JAZF1: variants seen among roughly 807,000 people sequenced by gnomAD.
JAZF1 encodes the protein juxtaposed with another zinc finger protein 1.
In JAZF1, 8 loss-of-function variants were observed where a neutral mutation model predicts 26.4. That is an observed-to-expected ratio of 0.30 (90% CI 0.18 to 0.55). The LOEUF is 0.55. Among genes scored for constraint, JAZF1 ranks in the 20% least tolerant of loss-of-function variants. The pLI is 0.94. For missense variants in JAZF1, 199 were observed against 322.0 expected, an observed-to-expected ratio of 0.62 and a Z score of 2.92; for synonymous variants, 126 against 122.3, an observed-to-expected ratio of 1.03 and a Z score of -0.20.
At position 27,878,570 on chromosome 7, in the gene JAZF1, A is replaced by G. The variant is rs1291475562; in HGVS notation, c.385+16650T>C. Among the ~76,000 whole-genome samples, 7 of 152,244 alleles carry G rather than the reference A, an allele frequency of 4.6e-5. 1 individual carries two copies. The highest frequency in any genetic ancestry group is 4.6e-4 in the Admixed American group (7 of 15,286). On this transcript the variant is annotated intron_variant, in intron 3 of 4. Transcript: ENST00000283928. ...ATCTCTGCATAAATTTCTGGTTCCC[A>G]AATTCCATATATGTAAAGATCTGAT...
At chr7:28,009,269 TCTACAA>T (rs1782757491) in intron 1 of JAZF1, among the ~76,000 whole-genome samples, 1 of 151,976 alleles carries the variant, frequency 6.6e-6, no homozygotes. Flanking sequence ...TTGCTGAGTA[TCTACAA>T]CTACTCTGCC....
At chr7:28,139,932 A>G (rs149247883) in intron 1 of JAZF1, among the ~76,000 whole-genome samples, 1 of 152,232 alleles carries the variant, frequency 6.6e-6, no homozygotes, top group East Asian at 1.9e-4. Context: ...GAGTATATGT[A>G]TTTGGGGAAC....
intron 2 of JAZF1, among the ~76,000 whole-genome samples, chr7:27,942,026 G>A (rs530211746): frequency 6.6e-6 from 1 of 152,352 alleles, no homozygotes; most frequent in South Asian, 2.1e-4. Flanking sequence ...CAGAAAAATG[G>A]AGGCAACACC....
intron 1 of JAZF1, among the ~76,000 whole-genome samples, chr7:28,079,880 GA>G (rs1281996816): frequency 6.6e-6 from 1 of 152,110 alleles, no homozygotes; most frequent in Admixed American, 6.5e-5. Flanking sequence ...ATAACTCAGA[GA>G]TACTGCTGGT....
intron 3 of JAZF1, among the ~76,000 whole-genome samples, chr7:27,878,018 G>A (rs2128339063): frequency 6.6e-6 from 1 of 152,220 alleles, no homozygotes; most frequent in South Asian, 2.1e-4. Flanking sequence ...CTCCAGACAT[G>A]GACTCTGTAT....
intron 1 of JAZF1, among the ~76,000 whole-genome samples, chr7:28,078,147 A>G (rs1191421882): frequency 6.6e-6 from 1 of 152,190 alleles, no homozygotes; most frequent in Non-Finnish European, 1.5e-5. Context: ...CTAGGTTTGT[A>G]CAGCCTCTCA....
At chr7:28,095,881 C>G (rs548535430) in intron 1 of JAZF1, among the ~76,000 whole-genome samples, 33 of 152,346 alleles carry the variant, frequency 2.2e-4, no homozygotes, top group African/African-American at 7.2e-4. Context: ...TGCTTCCTGG[C>G]TCATAGGCTG....
chr7:28,110,538 A>AAAAGG (rs1784638348), intron 1 of JAZF1, among the ~76,000 whole-genome samples: 2 of 108,438 alleles, frequency 1.8e-5, no homozygotes, highest in Non-Finnish European at 4.1e-5. Context: ...AAAGGAAAGG[A>AAAAGG]AAAGGAAAAG....
At position 27,831,857 on chromosome 7, in the gene JAZF1, T is replaced by G. The variant is rs985103999; in HGVS notation, c.*943A>C. ...AATTGGCAACACATAAACATTAAATTGTTGGCAATAGAGAACTACAAAGTG... is the reference window on the plus strand; with the variant it reads ...AATTGGCAACACATAAACATTAAATGGTTGGCAATAGAGAACTACAAAGTG... On this transcript the variant is annotated 3_prime_UTR_variant, in exon 5 of 5. Transcript: ENST00000283928. 4.6e-5 allele frequency: 10 copies of G among 219,106 alleles called. No homozygotes were observed. The highest frequency in any genetic ancestry group is 9.2e-5 in the Non-Finnish European group (10 of 109,062). The allele number at this position is 219,106 out of a possible 1,614,324, so 13.6% of individuals were successfully genotyped here.
intron 1 of JAZF1, among the ~76,000 whole-genome samples, chr7:28,103,257 G>C (rs1057318862): frequency 2.0e-5 from 3 of 151,952 alleles, no homozygotes; most frequent in Admixed American, 6.6e-5. Flanking sequence ...CCTCTCTCCT[G>C]AACTCCAGAA....
intron 2 of JAZF1, among the ~76,000 whole-genome samples, chr7:27,930,019 G>A (rs970759761): frequency 2.1e-5 from 3 of 145,146 alleles, no homozygotes; most frequent in South Asian, 2.2e-4. Flanking sequence ...TTTTTGAGAC[G>A]GAGTCTTGCT....
intron 1 of JAZF1, among the ~76,000 whole-genome samples, chr7:28,022,395 G>A (rs1047069108): frequency 1.3e-5 from 2 of 152,134 alleles, no homozygotes; most frequent in African/African-American, 4.8e-5. Flanking sequence ...CTAACAAATG[G>A]ATAAACTTTG....
chr7:28,111,810 T>C (rs942060821), intron 1 of JAZF1, among the ~76,000 whole-genome samples: 6 of 152,168 alleles, frequency 3.9e-5, no homozygotes, highest in African/African-American at 7.2e-5. Flanking sequence ...CATGTGTGTA[T>C]GTGTTACCAG....
intron 1 of JAZF1, among the ~76,000 whole-genome samples, chr7:28,119,933 A>G (rs893002728): frequency 1.3e-5 from 2 of 152,190 alleles, no homozygotes; most frequent in Admixed American, 1.3e-4. Flanking sequence ...ATTCTACTGT[A>G]TTGATACATT....
At chr7:27,971,513 T>C (rs1257346326) in intron 2 of JAZF1, among the ~76,000 whole-genome samples, 1 of 152,176 alleles carries the variant, frequency 6.6e-6, no homozygotes, top group Non-Finnish European at 1.5e-5. Flanking sequence ...CTCAGCATAA[T>C]GAACCTCAAT....
intron 3 of JAZF1, among the ~76,000 whole-genome samples, chr7:27,849,371 G>C (rs981079069): frequency 1.3e-5 from 2 of 152,216 alleles, no homozygotes; most frequent in Non-Finnish European, 2.9e-5. Flanking sequence ...AAGGCTCTCT[G>C]TAGTCTCAGA....
At chr7:28,115,399 C>T (rs1209937364) in intron 1 of JAZF1, among the ~76,000 whole-genome samples, 1 of 152,148 alleles carries the variant, frequency 6.6e-6, no homozygotes, top group Non-Finnish European at 1.5e-5. Context: ...CAGTGCAGCA[C>T]ATCTCAATTT....
intron 1 of JAZF1, among the ~76,000 whole-genome samples, chr7:28,093,169 C>A (rs1052255757): frequency 6.6e-6 from 1 of 152,186 alleles, no homozygotes; most frequent in Non-Finnish European, 1.5e-5. Context: ...TGTATCCCCA[C>A]CCAAATCTCA....
At chr7:28,108,860 A>G (rs569335825) in intron 1 of JAZF1, among the ~76,000 whole-genome samples, 1 of 152,376 alleles carries the variant, frequency 6.6e-6, no homozygotes, top group South Asian at 2.1e-4. Context: ...CACAATGGAA[A>G]TTATTCAGTC....
Sources: gnomAD v4.1 joint callset for allele counts (sites outside exome capture counted in the v4.1 genomes callset) on GRCh38, gnomAD v4.1.1 for gene constraint, MANE v1.5 for transcripts, NCBI Gene and HGNC (gene_info 2026-07-23, HGNC 2026-07-21) for gene names.